COL28A1: variants seen among roughly 807,000 people sequenced by gnomAD.
COL28A1 encodes the protein collagen alpha-1(XXVIII) chain.
In COL28A1, 161 loss-of-function variants were observed where a neutral mutation model predicts 150.2. That is an observed-to-expected ratio of 1.07 (90% CI 0.94 to 1.22). The LOEUF (loss-of-function observed/expected upper bound fraction) is 1.22. Among genes scored for constraint, COL28A1 ranks in the 50% most tolerant of loss-of-function variants. The probability of loss-of-function intolerance (pLI) is 0.00; values close to 1 mark genes in which losing one functional copy is unlikely to be tolerated. For synonymous variants in COL28A1, 552 were observed against 469.7 expected, an observed-to-expected ratio of 1.18 and a Z score of -2.26; for missense variants, 1,617 against 1,388.3, an observed-to-expected ratio of 1.16 and a Z score of -2.62.
intron 6 of COL28A1, among the ~76,000 whole-genome samples, chr7:7,519,557 G>A (rs1781598363): frequency 6.6e-6 from 1 of 152,128 alleles, no homozygotes; most frequent in Non-Finnish European, 1.5e-5. Context: ...CTGAACAGAT[G>A]AATGTTTTCT....
chr7:7,451,039 A>G (rs1786651593), intron 18 of COL28A1, among the ~76,000 whole-genome samples: 1 of 152,126 alleles, frequency 6.6e-6, no homozygotes, highest in African/African-American at 2.4e-5. Flanking sequence ...AATAATGATT[A>G]TGTGTGAGGA....
chr7:7,524,810 G>A (rs980632443), intron 3 of COL28A1, among the ~76,000 whole-genome samples: 1 of 152,132 alleles, frequency 6.6e-6, no homozygotes, highest in African/African-American at 2.4e-5. Context: ...TCTGAATTAT[G>A]AGAAGACAAA....
chr7:7,490,517 T>TC lies in COL28A1; in HGVS notation c.1095+60dup. ...GGCCAAATGGAGTTCAAATCATGGC[T>TC]CCCCCAGGCCCTACAATAAATTCAA... is the stretch of plus-strand genomic sequence containing the variant. On this transcript the variant is annotated intron_variant, in intron 12 of 34. Transcript: ENST00000399429. 3 of 785,070 alleles carry TC rather than the reference T, an allele frequency of 3.8e-6. No individual in the cohort carries two copies. The East Asian group carries it at 7.7e-5, about 20-fold the overall frequency. The allele number at this position is 785,070 out of a possible 1,614,324, so 48.6% of individuals were successfully genotyped here. A position where few individuals can be genotyped will look rare whatever the true frequency, so the allele number is the denominator to read the frequency against.
intron 1 of COL28A1, among the ~76,000 whole-genome samples, chr7:7,533,761 TGA>T (rs1782495789): frequency 6.6e-6 from 1 of 152,144 alleles, no homozygotes; most frequent in African/African-American, 2.4e-5. Flanking sequence ...ACACACCAAC[TGA>T]CTCTTAAACT....
At chr7:7,436,233 C>T (rs1785331846) in intron 23 of COL28A1, among the ~76,000 whole-genome samples, 162 bp downstream of exon 23, 1 of 152,082 alleles carries the variant, frequency 6.6e-6, no homozygotes, top group African/African-American at 2.4e-5. Context: ...GAAAAATAAA[C>T]TATGTGATTG....
intron 27 of COL28A1, among the ~76,000 whole-genome samples, chr7:7,404,054 A>AT (rs1241460939): frequency 9.2e-5 from 14 of 151,396 alleles, no homozygotes; most frequent in East Asian, 3.9e-4. Context: ...AGTCACAGTC[A>AT]TTTTTTTTTA....
At chr7:7,342,699 T>C in the COL28A1 span, among the ~76,000 whole-genome samples, 3 of 152,078 alleles carry the variant, frequency 2.0e-5, no homozygotes, top group Non-Finnish European at 1.5e-5. Flanking sequence ...CATTAGAATA[T>C]CTTACCTCCT....
At chr7:7,384,802 T>G (rs932795599) in intron 27 of COL28A1, among the ~76,000 whole-genome samples, 1 of 152,132 alleles carries the variant, frequency 6.6e-6, no homozygotes, top group Non-Finnish European at 1.5e-5. Flanking sequence ...CCCTAAACAT[T>G]AAACTGACAC....
intron 25 of COL28A1, among the ~76,000 whole-genome samples, chr7:7,424,590 G>T (rs142598383): frequency 5.9e-5 from 9 of 152,198 alleles, no homozygotes; most frequent in Non-Finnish European, 1.2e-4. Context: ...GCCTGCAGAG[G>T]GAGCCCTTGT....
intron 25 of COL28A1, 65 bp downstream of exon 25, chr7:7,432,408 A>G: frequency 1.5e-6 from 2 of 1,369,862 alleles, no homozygotes; most frequent in Non-Finnish European, 2.1e-6. Flanking sequence ...TTTTATTTTT[A>G]CCAAAGTCAC....
chr7:7,424,697 C>G (rs1425169540), intron 25 of COL28A1, among the ~76,000 whole-genome samples: 1 of 152,098 alleles, frequency 6.6e-6, no homozygotes, highest in African/African-American at 2.4e-5. Context: ...AGCCTTACCC[C>G]TAACCCCTGC....
the COL28A1 span, among the ~76,000 whole-genome samples, chr7:7,542,978 GTATT>G: frequency 4.6e-5 from 7 of 152,162 alleles, no homozygotes; most frequent in Non-Finnish European, 1.0e-4. Flanking sequence ...CTGCCAAAAA[GTATT>G]TAATAACTGT....
rs1017220979 is a variant in COL28A1 at position 7,417,679 on chromosome 7, G to T, written c.2136+180C>A. 15 of 641,764 alleles carry T rather than the reference G, an allele frequency of 2.3e-5. No homozygotes were observed. The African/African-American group carries it at 2.6e-4, about 11-fold the overall frequency. 39.8% of individuals were successfully genotyped at this position (641,764 alleles called of 1,614,324 possible). A position where few individuals can be genotyped will look rare whatever the true frequency, so the allele number is the denominator to read the frequency against. ...TATATAATGTTTAGCATTTGCTGAA[G>T]TATTGTACTCATACCATTTTTACAC... On this transcript the variant is annotated intron_variant, in intron 27 of 34. Transcript: ENST00000399429.
chr7:7,469,620 A>G, intron 15 of COL28A1, among the ~76,000 whole-genome samples: 1 of 100,512 alleles, frequency 9.9e-6, no homozygotes, highest in Non-Finnish European at 2.0e-5. Context: ...TTTAAAGTTC[A>G]TATGGAACCA....
chr7:7,388,238 C>T (rs1053888575), intron 27 of COL28A1, among the ~76,000 whole-genome samples: 3 of 151,932 alleles, frequency 2.0e-5, no homozygotes, highest in Non-Finnish European at 4.4e-5. Flanking sequence ...TTTCAACTCC[C>T]AGTTATGAGT....
At chr7:7,347,225 A>G in the COL28A1 span, among the ~76,000 whole-genome samples, 1 of 151,954 alleles carries the variant, frequency 6.6e-6, no homozygotes, top group Non-Finnish European at 1.5e-5. Flanking sequence ...CTGGTGCATG[A>G]GCCCTGACTT....
chr7:7,464,396 A>G (rs926237535), intron 15 of COL28A1, among the ~76,000 whole-genome samples: 1 of 152,236 alleles, frequency 6.6e-6, no homozygotes, highest in African/African-American at 2.4e-5. Context: ...TCTCCAAGAT[A>G]AAACATATCA....
intron 11 of COL28A1, among the ~76,000 whole-genome samples, chr7:7,500,743 T>C (rs1329037495): frequency 6.6e-6 from 1 of 151,180 alleles, no homozygotes; most frequent in South Asian, 2.1e-4. Flanking sequence ...TCTGTACATC[T>C]AGCTCTTGTT....
intron 13 of COL28A1, among the ~76,000 whole-genome samples, chr7:7,486,277 TG>T (rs1779618103): frequency 6.6e-6 from 1 of 152,188 alleles, no homozygotes; most frequent in African/African-American, 2.4e-5. Flanking sequence ...AAATAGATTT[TG>T]TATGTTGATA....
Sources: gnomAD v4.1 joint callset for allele counts (sites outside exome capture counted in the v4.1 genomes callset) on GRCh38, gnomAD v4.1.1 for gene constraint, MANE v1.5 for transcripts, NCBI Gene and HGNC (gene_info 2026-07-23, HGNC 2026-07-21) for gene names.